Variants in FHAD1 observed in about 807,000 individuals in gnomAD.
The protein encoded by FHAD1 is forkhead associated phosphopeptide binding domain 1.
A neutral mutation model predicts 191.3 loss-of-function variants in FHAD1; 146 were observed. The ratio of observed to expected loss-of-function variants is 0.76; its 90% CI spans 0.67 to 0.88. The LOEUF is 0.88. FHAD1 is among the 40% of genes least tolerant of loss of function. The pLI, the probability that FHAD1 is intolerant of heterozygous loss-of-function variation, is 0.00. For missense variants in FHAD1, 1,635 were observed against 1,785.8 expected, an observed-to-expected ratio of 0.92 and a Z score of 1.52; for synonymous variants, 616 against 672.3, an observed-to-expected ratio of 0.92 and a Z score of 1.29.
At chr1:15,382,280 A>T (rs1570508113) in intron 31 of FHAD1, 87 bp downstream of exon 31, 2 of 1,345,730 alleles carry the variant, frequency 1.5e-6, no homozygotes, top group East Asian at 5.0e-5. Flanking sequence ...TGGAGGATCC[A>T]GGTAGCACAG....
At chr1:15,261,557 A>C (rs1651069166) in intron 2 of FHAD1, among the ~76,000 whole-genome samples, 1 of 151,776 alleles carries the variant, frequency 6.6e-6, no homozygotes, top group Non-Finnish European at 1.5e-5. Flanking sequence ...GATTCTGGGG[A>C]GCTCTCAGAG....
chr1:15,322,489 A>G (rs1257624062), intron 10 of FHAD1, among the ~76,000 whole-genome samples: 1 of 152,242 alleles, frequency 6.6e-6, no homozygotes, highest in Admixed American at 6.5e-5. Context: ...GTAAGTGGCA[A>G]AGCCAAGATT....
intron 24 of FHAD1, among the ~76,000 whole-genome samples, chr1:15,367,108 G>A (rs915054368): frequency 3.9e-5 from 6 of 152,122 alleles, no homozygotes; most frequent in East Asian, 1.9e-4. Flanking sequence ...CCAAGTTCAC[G>A]GGAGATGTTG....
intron 11 of FHAD1, 56 bp downstream of exon 11, chr1:15,324,615 A>C: frequency 7.8e-7 from 1 of 1,279,338 alleles, no homozygotes; most frequent in Non-Finnish European, 1.1e-6. Flanking sequence ...GATTGCACCC[A>C]AGCAGCCAGT....
chr1:15,326,940 G>A (rs1678915690), intron 11 of FHAD1, 119 bp from the exon 12 acceptor site: 1 of 632,772 alleles, frequency 1.6e-6, no homozygotes, highest in Admixed American at 2.7e-5. Flanking sequence ...AACGCGGAAT[G>A]GTCATTCAGG....
intron 4 of FHAD1, among the ~76,000 whole-genome samples, chr1:15,291,746 G>C (rs914607785): frequency 6.6e-6 from 1 of 152,130 alleles, no homozygotes; most frequent in Admixed American, 6.6e-5. Flanking sequence ...GACGAGAGCT[G>C]CGGTCCTCTG....
At chr1:15,392,302 G>A (rs1461008963) in intron 33 of FHAD1, among the ~76,000 whole-genome samples, 2 of 152,188 alleles carry the variant, frequency 1.3e-5, no homozygotes, top group Non-Finnish European at 2.9e-5. Context: ...GGAGGCCAAG[G>A]CGGGCGGATC....
intron 28 of FHAD1, among the ~76,000 whole-genome samples, chr1:15,379,599 C>G (rs903437218): frequency 6.6e-6 from 1 of 152,208 alleles, no homozygotes; most frequent in African/African-American, 2.4e-5. Context: ...TCAGGTCTTT[C>G]CCTTCCCACG....
chr1:15,293,741 CA>C (rs1378887008), intron 4 of FHAD1, among the ~76,000 whole-genome samples: 1 of 152,136 alleles, frequency 6.6e-6, no homozygotes, highest in Admixed American at 6.5e-5. Flanking sequence ...AACAAAAAAA[CA>C]AAAACAAGTT....
intron 11 of FHAD1, chr1:15,326,729 T>C (rs928931138): frequency 1.9e-5 from 4 of 210,104 alleles, no homozygotes; most frequent in African/African-American, 6.9e-5. Context: ...AACTTAGCAA[T>C]TACGGAAGAG....
At chr1:15,272,609 G>A in intron 3 of FHAD1, 80 bp downstream of exon 3, 7 of 1,296,810 alleles carry the variant, frequency 5.4e-6, no homozygotes, top group South Asian at 1.4e-5. Context: ...GCAGGGTGGC[G>A]CTTATCCACA....
Position 15,289,650 on chromosome 1 carries a change from A to G in FHAD1, c.552A>G (p.Pro184=). The G allele has an allele frequency of 1.3e-6, 2 of 1,548,106 alleles. No homozygotes were observed. Among genetic ancestry groups the G allele is most frequent in the Non-Finnish European group, 1.7e-6 (2 of 1,144,128 alleles). Residue 184 remains proline (P), a synonymous_variant, in exon 4 of 34, where the codon CCA becomes CCG. Coordinates refer to ENST00000688493, the MANE Select transcript of FHAD1 (RefSeq NM_001391957.1). This position sits in a 1 kb window ranked among gnomAD's most constrained non-coding sequence, Gnocchi z 4.2. ...TCGTGGTGGACGACGCCCGCAAGCC[A>G]CCCGTCATCAAGCAAGGTATGCGTC... ...FSFVVDDARK[P]PVIKQVWTNA... is the part of the protein sequence containing the mutation.
intron 26 of FHAD1, among the ~76,000 whole-genome samples, chr1:15,373,313 A>G (rs1489182762): frequency 6.6e-6 from 1 of 151,814 alleles, no homozygotes; most frequent in Non-Finnish European, 1.5e-5. Flanking sequence ...GTTCGAGACC[A>G]GCCTGGCCAA....
chr1:15,241,080 CAGGA>C (rs1160947190), intron 1 of FHAD1, among the ~76,000 whole-genome samples: 1 of 152,104 alleles, frequency 6.6e-6, no homozygotes, highest in African/African-American at 2.4e-5. Context: ...CCCTAAAGCA[CAGGA>C]CCGTGCTGAG....
chr1:15,323,121 C>A (rs1237593421), intron 10 of FHAD1, among the ~76,000 whole-genome samples: 1 of 152,168 alleles, frequency 6.6e-6, no homozygotes, highest in Admixed American at 6.5e-5. Context: ...GCCCACAACA[C>A]TTAGGAATTC....
At chr1:15,259,237 T>C (rs1454715147) in intron 2 of FHAD1, among the ~76,000 whole-genome samples, 6 of 152,224 alleles carry the variant, frequency 3.9e-5, no homozygotes, top group African/African-American at 1.4e-4. Flanking sequence ...AGACTAGTTA[T>C]GAGGCATCTC....
chr1:15,295,286 T>C (rs1056141683), intron 4 of FHAD1, among the ~76,000 whole-genome samples: 6 of 152,164 alleles, frequency 3.9e-5, no homozygotes, highest in Admixed American at 1.3e-4. Flanking sequence ...ATTTTTATTG[T>C]TGTATTGTTA....
At chr1:15,331,866 A>G (rs1681756923) in intron 14 of FHAD1, among the ~76,000 whole-genome samples, 1 of 152,124 alleles carries the variant, frequency 6.6e-6, no homozygotes, top group South Asian at 2.1e-4. Context: ...GTTTTGCCTG[A>G]TGTCATGTAA....
chr1:15,359,818 CG>C (rs1366192431), intron 21 of FHAD1, among the ~76,000 whole-genome samples: 1 of 152,132 alleles, frequency 6.6e-6, no homozygotes, highest in East Asian at 1.9e-4. Context: ...GGCGTGGTGG[CG>C]GGCGCCTGTA....
Sources: allele counts gnomAD v4.1 joint callset (sites outside exome capture counted in the v4.1 genomes callset), GRCh38; gene constraint gnomAD v4.1.1; non-coding constraint Gnocchi (gnomAD v3.1); transcripts MANE v1.5; gene names NCBI Gene and HGNC (gene_info 2026-07-23, HGNC 2026-07-21).